Variants in CPA6 observed in about 807,000 individuals in gnomAD.
CPA6 encodes the protein carboxypeptidase A6, also known as carboxypeptidase B.
Under a neutral mutation model 63.3 loss-of-function variants are expected in CPA6, and 58 were observed. That is an observed-to-expected ratio of 0.92 (90% confidence interval 0.74 to 1.14). The LOEUF (loss-of-function observed/expected upper bound fraction) is 1.14, where lower values mean the gene tolerates loss of function less well. Among genes scored for constraint, CPA6 ranks in the 50% most tolerant of loss-of-function variants. CPA6 has a pLI of 0.00. For missense variants in CPA6, 565 were observed against 526.6 expected, an observed-to-expected ratio of 1.07 and a Z score of -0.71; for synonymous variants, 185 against 179.0, an observed-to-expected ratio of 1.03 and a Z score of -0.27.
rs1564021401 is a variant in CPA6 at position 67,607,225 on chromosome 8, CT to C, written c.192+16950del. 8.6e-4 allele frequency among the ~76,000 whole-genome samples: 98 copies of C among 113,526 alleles called. 6 individuals carry two copies. The highest frequency in any genetic ancestry group is 2.0e-3 in the South Asian group (6 of 3,048). 74.5% of individuals were successfully genotyped at this position (113,526 alleles called of 152,430 possible). A position where few individuals can be genotyped will look rare whatever the true frequency, so the allele number is the denominator to read the frequency against. ...TCTTCTTCTTCTTCTTCTTCTTCTT[CT>C]TCTTCTTCTTCTTCTTCTTCTTCTT... On this transcript the variant is annotated intron_variant, in intron 2 of 10. Transcript: ENST00000297770.
intron 2 of CPA6, among the ~76,000 whole-genome samples, chr8:67,575,517 T>C (rs993934816): frequency 3.9e-5 from 6 of 152,040 alleles, no homozygotes; most frequent in African/African-American, 1.2e-4. Context: ...ATAAAGAAAA[T>C]GTATATATAC....
chr8:67,488,525 T>G (rs1414061688), intron 6 of CPA6, among the ~76,000 whole-genome samples: 4 of 152,220 alleles, frequency 2.6e-5, no homozygotes, highest in Non-Finnish European at 5.9e-5. Flanking sequence ...AGGATTGTCT[T>G]GGCAACGTGG....
At chr8:67,722,327 A>C (rs1817516387) in intron 1 of CPA6, among the ~76,000 whole-genome samples, 1 of 152,162 alleles carries the variant, frequency 6.6e-6, no homozygotes, top group Non-Finnish European at 1.5e-5. Context: ...TGAAAAAATA[A>C]ATTCCTGGGT....
intron 8 of CPA6, among the ~76,000 whole-genome samples, chr8:67,439,318 T>C (rs563482557): frequency 3.5e-4 from 53 of 151,944 alleles, no homozygotes; most frequent in African/African-American, 1.2e-3. Flanking sequence ...CTGGGCATGG[T>C]GGCTCATGCC....
chr8:67,560,184 A>C (rs1231793560), intron 2 of CPA6, among the ~76,000 whole-genome samples: 1 of 96,534 alleles, frequency 1.0e-5, no homozygotes, highest in African/African-American at 4.2e-5. Context: ...TATATTCCAG[A>C]TGTACTTTTG....
At chr8:67,655,617 C>T (rs1378317457) in intron 1 of CPA6, among the ~76,000 whole-genome samples, 2 of 152,086 alleles carry the variant, frequency 1.3e-5, no homozygotes, top group South Asian at 2.1e-4. Flanking sequence ...GCAAACCCTC[C>T]TCTCAATCTA....
intron 2 of CPA6, among the ~76,000 whole-genome samples, chr8:67,565,006 T>C (rs959478202): frequency 3.3e-5 from 5 of 152,204 alleles, no homozygotes; most frequent in African/African-American, 1.2e-4. Flanking sequence ...GATCATTTAG[T>C]ATGTAACATG....
intron 8 of CPA6, among the ~76,000 whole-genome samples, chr8:67,461,590 C>T (rs184106118): frequency 0.056 from 8,485 of 152,256 alleles, 792 homozygotes; most frequent in African/African-American, 0.19. Context: ...ACCTCCCAGA[C>T]GGGGTGGTGG....
chr8:67,599,750 A>T (rs1814443845), intron 2 of CPA6, among the ~76,000 whole-genome samples: 1 of 152,236 alleles, frequency 6.6e-6, no homozygotes, highest in Admixed American at 6.5e-5. Flanking sequence ...CATCACCATG[A>T]GGAACAAACT....
At chr8:67,712,700 A>G (rs1233212590) in intron 1 of CPA6, among the ~76,000 whole-genome samples, 1 of 152,122 alleles carries the variant, frequency 6.6e-6, no homozygotes, top group East Asian at 1.9e-4. Flanking sequence ...TTCTCTGGGA[A>G]CACCGAATTT....
At position 67,443,925 on chromosome 8, in the gene CPA6, G is replaced by A. The variant is rs1047720131; in HGVS notation, c.839-9685C>T. On this transcript the variant is annotated intron_variant, in intron 8 of 10. Coordinates refer to ENST00000297770, the MANE Select transcript of CPA6 (RefSeq NM_020361.5). ...TTGGACTTGGTGACTGGTTGAATAT[G>A]TAAGGCAATGAGGTGGGGTTTGATA... is the stretch of plus-strand genomic sequence containing the variant. 7.2e-4 allele frequency among the ~76,000 whole-genome samples: 110 copies of A among 152,050 alleles called. 2 individuals carry two copies. Among genetic ancestry groups the A allele is most frequent in the Admixed American group, 9.8e-4 (15 of 15,276 alleles).
chr8:67,523,067 C>T (rs1812292166), intron 2 of CPA6, among the ~76,000 whole-genome samples: 1 of 152,238 alleles, frequency 6.6e-6, no homozygotes. Context: ...TATAGCCAGG[C>T]AGCCTGGGTT....
chr8:67,490,093 G>GTTT (rs1811572223), intron 6 of CPA6, among the ~76,000 whole-genome samples: 7 of 152,144 alleles, frequency 4.6e-5, no homozygotes, highest in Non-Finnish European at 8.8e-5. Flanking sequence ...ACGACGTGAT[G>GTTT]ACTGTTAAAT....
intron 1 of CPA6, among the ~76,000 whole-genome samples, chr8:67,642,011 A>T (rs1815602093): frequency 6.6e-6 from 1 of 152,160 alleles, no homozygotes. Flanking sequence ...TTTAGGGAGG[A>T]AATTATAAAA....
chr8:67,730,682 C>T (rs956129240), intron 1 of CPA6, among the ~76,000 whole-genome samples: 2 of 152,184 alleles, frequency 1.3e-5, no homozygotes, highest in East Asian at 3.8e-4. Flanking sequence ...AGACACATCA[C>T]TTTGGAGAGT....
At chr8:67,600,193 C>T (rs932411197) in intron 2 of CPA6, among the ~76,000 whole-genome samples, 11 of 151,578 alleles carry the variant, frequency 7.3e-5, no homozygotes, top group Admixed American at 1.3e-4. Context: ...ATGAAAAGGA[C>T]GCTTTTCTTA....
intron 2 of CPA6, among the ~76,000 whole-genome samples, chr8:67,589,423 A>G (rs1814043581): frequency 6.6e-6 from 1 of 152,222 alleles, no homozygotes; most frequent in Non-Finnish European, 1.5e-5. Flanking sequence ...CAGACATTTA[A>G]TATCAGAGCA....
At chr8:67,499,087 G>T (rs750820458) in intron 6 of CPA6, among the ~76,000 whole-genome samples, 2 of 152,110 alleles carry the variant, frequency 1.3e-5, no homozygotes, top group African/African-American at 2.4e-5. Context: ...TTTAATTCTG[G>T]TAGTTTGCTT....
Position 67,590,625 on chromosome 8 carries a change from T to G in CPA6, c.192+33551A>C, listed in dbSNP as rs568647226. Among the ~76,000 whole-genome samples, 3 of 152,370 alleles carry G rather than the reference T, an allele frequency of 2.0e-5. No homozygotes were observed. The East Asian group carries it at 5.8e-4, about 29-fold the overall frequency. On this transcript the variant is annotated intron_variant, in intron 2 of 10. Transcript: ENST00000297770. ...TATCTCATTGTGGTTTGATTTGCAT[T>G]TCTCTAATGGCCAGTGATGATGAGC...
Sources: allele counts gnomAD v4.1 joint callset (sites outside exome capture counted in the v4.1 genomes callset), GRCh38; gene constraint gnomAD v4.1.1; transcripts MANE v1.5; gene names NCBI Gene and HGNC (gene_info 2026-07-23, HGNC 2026-07-21).